Variants in DIPK1A observed in about 807,000 individuals in gnomAD.
DIPK1A encodes the protein family with sequence similarity 69 member A.
DIPK1A carries 27 observed loss-of-function variants against 40.8 expected under a neutral mutation model. The observed-to-expected ratio is 0.66, with a 90% CI of 0.49 to 0.91. DIPK1A has a LOEUF of 0.91. Ranked by LOEUF, DIPK1A falls within the 40% of genes least tolerant of loss-of-function variation. The probability of loss-of-function intolerance (pLI) is 0.00; values close to 1 mark genes in which losing one functional copy is unlikely to be tolerated. For missense variants in DIPK1A, 412 were observed against 505.7 expected (o/e 0.81, Z 1.78); for synonymous variants, 166 against 171.3 (o/e 0.97, Z 0.24).
intron 1 of DIPK1A, among the ~76,000 whole-genome samples, chr1:92,911,936 A>T (rs1203061054): frequency 7.3e-6 from 1 of 137,368 alleles, no homozygotes; most frequent in Non-Finnish European, 1.5e-5. Context: ...CCCAGGAGGC[A>T]GAGGTTGCAG....
At chr1:92,839,170 C>T (rs1239127421), downstream of DIPK1A, among the ~76,000 whole-genome samples, 1 of 151,348 alleles carries the variant, frequency 6.6e-6, no homozygotes, top group Non-Finnish European at 1.5e-5. Flanking sequence ...ACCAGCCTGG[C>T]CAATATGGTG....
chr1:92,932,808 C>T (rs1298037392), intron 1 of DIPK1A: 2 of 152,068 alleles, frequency 1.3e-5, no homozygotes, highest in East Asian at 1.9e-4. Flanking sequence ...GGTGGAGCAC[C>T]GAGGATTTTT....
intron 2 of DIPK1A, among the ~76,000 whole-genome samples, chr1:92,852,336 T>C (rs371357457): frequency 2.0e-5 from 3 of 152,172 alleles, no homozygotes; most frequent in Admixed American, 2.0e-4. Flanking sequence ...CCGCCTCTAC[T>C]AAAAATACAA....
chr1:92,849,674 G>A (rs567710677), intron 3 of DIPK1A, among the ~76,000 whole-genome samples: 6 of 152,192 alleles, frequency 3.9e-5, no homozygotes, highest in South Asian at 2.1e-4. Context: ...CACCACACCC[G>A]GCTAATTTTT....
intron 1 of DIPK1A, among the ~76,000 whole-genome samples, chr1:92,885,160 C>T (rs903680651): frequency 3.9e-5 from 6 of 152,072 alleles, no homozygotes; most frequent in African/African-American, 1.2e-4. Flanking sequence ...TGTTCACCTC[C>T]AAGTGTCAGT....
At chr1:92,908,368 G>A (rs1649706198) in intron 1 of DIPK1A, among the ~76,000 whole-genome samples, 1 of 152,210 alleles carries the variant, frequency 6.6e-6, no homozygotes. Context: ...GCTGATAAAA[G>A]AGAGCATGGA....
chr1:92,847,828 T>C (rs558327675), intron 3 of DIPK1A, among the ~76,000 whole-genome samples: 21 of 152,340 alleles, frequency 1.4e-4, no homozygotes, highest in Admixed American at 2.0e-4. Context: ...CTCAAAGTCC[T>C]GAGCTCAAGG....
chr1:92,847,236 T>G lies in DIPK1A; in HGVS notation c.421A>C (p.Thr141Pro), dbSNP rs1475198089. Residue 141 changes from threonine (T) to proline (P), a missense_variant, in exon 4 of 5, where the codon ACT (threonine) becomes CCT (proline). Thr to Pro is a conservative substitution (Grantham distance 38). Transcript: ENST00000370310. ...RKEIVLFDKP[T>P]RGTTVQKFKE... ...AATTTTTGTACAGTAGTTCCTCTAG[T>G]TGGCTTATCAAATAGCACTATTTCT... 2.5e-5 allele frequency: 40 copies of G among 1,607,658 alleles called. No homozygotes were observed. The highest frequency in any genetic ancestry group is 3.4e-5 in the Non-Finnish European group (40 of 1,176,546).
chr1:92,930,888 C>T (rs1458788914), intron 1 of DIPK1A: 2 of 152,162 alleles, frequency 1.3e-5, no homozygotes, highest in African/African-American at 2.4e-5. Context: ...AAGATGGTCC[C>T]TTCCTGGGGT....
intron 1 of DIPK1A, among the ~76,000 whole-genome samples, chr1:92,883,285 A>G (rs1265999371): frequency 1.3e-5 from 2 of 152,234 alleles, no homozygotes; most frequent in African/African-American, 2.4e-5. Flanking sequence ...CTAGCAATCT[A>G]TATATAAAAG....
intron 1 of DIPK1A, among the ~76,000 whole-genome samples, chr1:92,894,675 G>A (rs1649075393): frequency 6.6e-6 from 1 of 152,038 alleles, no homozygotes; most frequent in African/African-American, 2.4e-5. Flanking sequence ...GAAGGAAATA[G>A]AGACACAAAA....
At chr1:92,907,152 G>A (rs1364890420) in intron 1 of DIPK1A, among the ~76,000 whole-genome samples, 1 of 152,108 alleles carries the variant, frequency 6.6e-6, no homozygotes, top group African/African-American at 2.4e-5. Context: ...AGTCCATAAT[G>A]CTAAGTAAAA....
chr1:92,882,766 G>A (rs1209667676), intron 1 of DIPK1A, among the ~76,000 whole-genome samples: 1 of 151,906 alleles, frequency 6.6e-6, no homozygotes, highest in Non-Finnish European at 1.5e-5. Context: ...ACTTCTGTAA[G>A]GAAAAAAAAT....
In DIPK1A at chr1:92,876,384, A is replaced by C. The variant is rs1221534508; in HGVS notation, c.101T>G (p.Leu34Ter). The C allele has an allele frequency of 6.2e-7, 1 of 1,613,506 alleles. No individual in the cohort carries two copies. Among genetic ancestry groups the C allele is most frequent in the Non-Finnish European group, 8.5e-7 (1 of 1,179,562 alleles). The change falls in exon 2 of 5, where the codon TTA (leucine) becomes TGA (stop). Residue 34 changes from leucine (L) to a stop codon, truncating the protein, a stop_gained. Coordinates refer to ENST00000370310, the MANE Select transcript of DIPK1A (RefSeq NM_001006605.5). LOFTEE classifies it high-confidence loss of function. ...VRMKYLFFSW[L>*]VVFVGSWIIY... Reference sequence around the variant, plus strand: ...AATCCAGCTTCCAACAAAAACCACTAACCAGGAAAAGAAAAGATATTTCAT... The same window carrying C: ...AATCCAGCTTCCAACAAAAACCACTCACCAGGAAAAGAAAAGATATTTCAT...
At chr1:92,877,119 G>A in intron 1 of DIPK1A, 4 of 985,414 alleles carry the variant, frequency 4.1e-6, no homozygotes, top group Non-Finnish European at 4.8e-6. Context: ...CTTGCAAAGT[G>A]TAAAGCTGCA....
intron 1 of DIPK1A, among the ~76,000 whole-genome samples, chr1:92,913,093 GA>G (rs201735815): frequency 2.7e-5 from 4 of 150,440 alleles, no homozygotes; most frequent in South Asian, 2.1e-4. Context: ...GAAAAAGAGA[GA>G]AAAAAAAAGA....
At chr1:92,913,362 T>C (rs999927239) in intron 1 of DIPK1A, among the ~76,000 whole-genome samples, 3 of 147,326 alleles carry the variant, frequency 2.0e-5, no homozygotes, top group African/African-American at 7.6e-5. Context: ...ATCATTCTTT[T>C]ATACCATGAT....
At chr1:92,836,984 G>A in intron 4 of DIPK1A, 1 of 235,244 alleles carries the variant, frequency 4.3e-6, no homozygotes, top group Non-Finnish European at 8.5e-6. Flanking sequence ...AGTAATTTTT[G>A]GTAAGCCTAA....
At chr1:92,960,212 T>C (rs1371402669) in intron 1 of DIPK1A, among the ~76,000 whole-genome samples, 1 of 152,106 alleles carries the variant, frequency 6.6e-6, no homozygotes, top group Non-Finnish European at 1.5e-5. Context: ...CTTAATATCA[T>C]GGGTTGTCAA....
Sources: gnomAD v4.1 joint callset for allele counts (sites outside exome capture counted in the v4.1 genomes callset) on GRCh38, gnomAD v4.1.1 for gene constraint, MANE v1.5 for transcripts, NCBI Gene and HGNC (gene_info 2026-07-23, HGNC 2026-07-21) for gene names.